Variants in NCOR2 observed in about 807,000 individuals in gnomAD.
NCOR2 encodes the protein CTG repeat protein 26.
Under a neutral mutation model 262.9 loss-of-function variants are expected in NCOR2, and 81 were observed. The observed-to-expected ratio is 0.31, with a 90% CI of 0.26 to 0.37. The LOEUF (loss-of-function observed/expected upper bound fraction) is 0.37. Ranked by LOEUF, NCOR2 falls within the 10% of genes least tolerant of loss-of-function variation. The probability of loss-of-function intolerance (pLI) is 1.00; values close to 1 mark genes in which losing one functional copy is unlikely to be tolerated. For missense variants in NCOR2, 3,385 were observed against 3,621.4 expected, an observed-to-expected ratio of 0.93 and a Z score of 1.68; for synonymous variants, 1,659 against 1,559.3, an observed-to-expected ratio of 1.06 and a Z score of -1.51.
At chr12:124,380,996 G>A (rs193105420) in intron 17 of NCOR2, among the ~76,000 whole-genome samples, 82 of 152,264 alleles carry the variant, frequency 5.4e-4, no homozygotes, top group African/African-American at 1.9e-3. Flanking sequence ...CCTACTATGC[G>A]CCAAGCGGTT....
At position 124,465,816 on chromosome 12, in the gene NCOR2, C is replaced by T. The variant is rs79716916; in HGVS notation, c.705+357G>A. ...CGGTCATAATGTCATTATCTTTTGC[C>T]TTAAAGGGATTTCTTCTGCACCAGC... On this transcript the variant is annotated intron_variant, in intron 5 of 46. Coordinates refer to ENST00000405201, the Ensembl canonical transcript of NCOR2. Among the ~76,000 whole-genome samples, 1,410 of 152,280 alleles carry T rather than the reference C, an allele frequency of 9.3e-3. 19 individuals are homozygous for T. Among genetic ancestry groups the T allele is most frequent in the African/African-American group, 0.031 (1,273 of 41,548 alleles).
chr12:124,415,957 A>G (rs2042836268), intron 13 of NCOR2, among the ~76,000 whole-genome samples: 1 of 152,114 alleles, frequency 6.6e-6, no homozygotes. Flanking sequence ...TGTGTGGCAT[A>G]TACAGTGTTG....
chr12:124,562,890 C>A (rs1017423218), intron 1 of NCOR2, among the ~76,000 whole-genome samples: 10 of 152,136 alleles, frequency 6.6e-5, no homozygotes, highest in Non-Finnish European at 1.0e-4. Flanking sequence ...ATGGAAACTG[C>A]AGCTCCTGTG....
rs565009564 is a variant in NCOR2, at chr12:124,366,758, T to C, written c.2808-2959A>G. Among the ~76,000 whole-genome samples the C allele has an allele frequency of 1.0e-3, 159 of 152,300 alleles. 1 individual carries two copies. The highest frequency in any genetic ancestry group is 3.7e-3 in the African/African-American group (154 of 41,556). On this transcript the variant is annotated intron_variant, in intron 20 of 46. Transcript: ENST00000405201. The stretch of plus-strand genomic sequence containing the variant: ...GTCTTGAACTCCTGGGCTCAAGCTA[T>C]CCTCCTGCTTTAGCCACTCAAAGAG...
At position 124,454,829 on chromosome 12, in the gene NCOR2, C is replaced by T. The variant is rs571223919; in HGVS notation, c.762+2277G>A. On this transcript the variant is annotated intron_variant, in intron 6 of 46. Transcript: ENST00000405201. The surrounding 1 kb of genome is among the most constrained non-coding windows in gnomAD (Gnocchi z 5.6). ...CACACCCAGGAGAAATGAAGACGTA[C>T]GTTCACATGGAAACGGCACACTAAT... Among the ~76,000 whole-genome samples the T allele has an allele frequency of 1.8e-4, 27 of 152,270 alleles. No individual in the cohort carries two copies. The highest frequency in any genetic ancestry group is 5.1e-4 in the African/African-American group (21 of 41,546).
chr12:124,329,021 C>T (rs1019980483), intron 44 of NCOR2: 31 of 442,538 alleles, frequency 7.0e-5, no homozygotes, highest in Non-Finnish European at 4.7e-5. Context: ...GCGACTGGGC[C>T]TTCTACCCAA....
rs141596991 is a variant in NCOR2, at chr12:124,440,414, C to T, written c.816-2418G>A. On this transcript the variant is annotated intron_variant, in intron 7 of 46. Transcript: ENST00000405201. This position sits in a 1 kb window ranked among gnomAD's most constrained non-coding sequence, Gnocchi z 5.7. ...CAGGGCCTCCCCACCTTCCATCAGTCTGGCCGCCGCCCCCCGGCCAGGGTG... is the reference window on the plus strand; with the variant it reads ...CAGGGCCTCCCCACCTTCCATCAGTTTGGCCGCCGCCCCCCGGCCAGGGTG... Among the ~76,000 whole-genome samples the T allele has an allele frequency of 3.3e-5, 5 of 152,150 alleles. No individual in the cohort carries two copies. The highest frequency in any genetic ancestry group is 1.9e-4 in the East Asian group (1 of 5,180).
intron 14 of NCOR2, among the ~76,000 whole-genome samples, chr12:124,401,705 T>C (rs1388476639): frequency 6.6e-6 from 1 of 152,238 alleles, no homozygotes; most frequent in Non-Finnish European, 1.5e-5. Flanking sequence ...AGAGTTTTAC[T>C]GCGGGAGGCT....
chr12:124,413,028 G>A (rs187207163), intron 13 of NCOR2, among the ~76,000 whole-genome samples: 1 of 152,324 alleles, frequency 6.6e-6, no homozygotes, highest in East Asian at 1.9e-4. Context: ...GAAAGTGCAC[G>A]GTCCAGTGTC....
rs1349158527 is a variant in NCOR2 at position 124,443,388 on chromosome 12, C to A, written c.816-5392G>T. Among the ~76,000 whole-genome samples the A allele has an allele frequency of 6.6e-6, 1 of 152,222 alleles. No homozygotes were observed. The highest frequency in any genetic ancestry group is 6.5e-5 in the Admixed American group (1 of 15,290). ...CATCCACGTACCACGCAAGAGGACA[C>A]GTCAAGTCTGCAAACACATGTCAAG... On this transcript the variant is annotated intron_variant, in intron 7 of 46. Coordinates refer to ENST00000405201, the Ensembl canonical transcript of NCOR2. The surrounding 1 kb of genome is among the most constrained non-coding windows in gnomAD (Gnocchi z 4.4).
chr12:124,494,227 A>AGACACACACACACACG (rs1555231468), intron 1 of NCOR2, among the ~76,000 whole-genome samples: 3 of 151,866 alleles, frequency 2.0e-5, no homozygotes, highest in Admixed American at 2.0e-4. Flanking sequence ...ACAGACACAC[A>AGACACACACACACACG]CACACACGCA....
At chr12:124,563,215 G>A (rs1013535031) in intron 1 of NCOR2, among the ~76,000 whole-genome samples, 3 of 152,114 alleles carry the variant, frequency 2.0e-5, no homozygotes, top group African/African-American at 4.8e-5. Context: ...CTAAATCAGC[G>A]GCTCTCTTGG....
intron 1 of NCOR2, among the ~76,000 whole-genome samples, chr12:124,516,221 C>T (rs569352297): frequency 2.0e-5 from 3 of 152,340 alleles, no homozygotes; most frequent in South Asian, 2.1e-4. Context: ...GCCCAGCATC[C>T]GGTGTCACTT....
chr12:124,508,918 C>T (rs2049212224), intron 1 of NCOR2, among the ~76,000 whole-genome samples: 3 of 152,184 alleles, frequency 2.0e-5, no homozygotes, highest in East Asian at 1.9e-4. Context: ...GCGCCAGCAA[C>T]GGCTTGGAGG....
At chr12:124,475,314 C>G (rs1217755123) in intron 3 of NCOR2, among the ~76,000 whole-genome samples, 1 of 152,210 alleles carries the variant, frequency 6.6e-6, no homozygotes, top group Non-Finnish European at 1.5e-5. Context: ...ACAGCTCAGC[C>G]TATCCCAGTC....
In NCOR2 at chr12:124,457,878, G is replaced by A. The variant is rs1180399452; in HGVS notation, c.706-716C>T. 6.6e-6 allele frequency among the ~76,000 whole-genome samples: 1 copy of A among 152,208 alleles called. No individual in the cohort carries two copies. The highest frequency in any genetic ancestry group is 1.5e-5 in the Non-Finnish European group (1 of 68,028). On this transcript the variant is annotated intron_variant, in intron 5 of 46. Coordinates refer to ENST00000405201, the Ensembl canonical transcript of NCOR2. This position sits in a 1 kb window ranked among gnomAD's most constrained non-coding sequence, Gnocchi z 4.0. Reference sequence around the variant, plus strand: ...CAGCCCGCAGCCTGGGACCACCAGGGTCCACTCACAGGAGGCCTGGAGGGC... The same window carrying A: ...CAGCCCGCAGCCTGGGACCACCAGGATCCACTCACAGGAGGCCTGGAGGGC...
chr12:124,354,633 G>A, intron 25 of NCOR2, 51 bp from the exon 28 acceptor site: 1 of 1,455,164 alleles, frequency 6.9e-7, no homozygotes, highest in Non-Finnish European at 9.1e-7. Context: ...CAGGGTCCCG[G>A]GAGGCTTGTC....
chr12:124,422,999 C>G (rs1401723277), intron 11 of NCOR2, among the ~76,000 whole-genome samples: 1 of 152,206 alleles, frequency 6.6e-6, no homozygotes, highest in African/African-American at 2.4e-5. Flanking sequence ...GCTCACCAGG[C>G]TGCTGGGCCT....
At chr12:124,419,579 G>A (rs968224582) in intron 13 of NCOR2, among the ~76,000 whole-genome samples, 2 of 152,222 alleles carry the variant, frequency 1.3e-5, no homozygotes, top group South Asian at 2.1e-4. Context: ...TAAACATGAA[G>A]TTTGTGAACT....
Sources: gnomAD v4.1 joint callset for allele counts (sites outside exome capture counted in the v4.1 genomes callset) on GRCh38, gnomAD v4.1.1 for gene constraint, Gnocchi (gnomAD v3.1) non-coding constraint, MANE v1.5 for transcripts, NCBI Gene and HGNC (gene_info 2026-07-23, HGNC 2026-07-21) for gene names.